Variants in SP140L observed in about 807,000 individuals in gnomAD.
SP140L encodes SP140 like nuclear body protein.
A neutral mutation model predicts 84.3 loss-of-function variants in SP140L; 64 were observed. That is an observed-to-expected ratio of 0.76 (90% confidence interval 0.62 to 0.94). The LOEUF is 0.94. Among genes scored for constraint, SP140L ranks in the 40% least tolerant of loss-of-function variants. The pLI is 0.00. For missense variants in SP140L, 628 were observed against 692.5 expected (o/e 0.91, Z 1.05); for synonymous variants, 242 against 236.9 (o/e 1.02, Z -0.20).
chr2:230,400,188 C>T lies in SP140L; in HGVS notation c.1259C>T (p.Thr420Ile), dbSNP rs780162127. 1 of 1,614,180 alleles carries T rather than the reference C, an allele frequency of 6.2e-7. No homozygotes were observed. ...RDGGELFCCD[T>I]CSRVFHEDCH... ...GGAGGGGAGCTGTTCTGTTGCGACA[C>T]TTGTTCAAGAGTCTTCCATGAGGAC... Residue 420 changes from threonine to isoleucine, a missense_variant, in exon 15 of 19, where the codon ACT becomes ATT. Around this residue, in one of 4 missense-constraint regions of SP140L, gnomAD observed 525 missense variants for 518.4 expected, o/e 1.01. Transcript: ENST00000415673.
intron 4 of SP140L, among the ~76,000 whole-genome samples, chr2:230,360,650 G>A (rs952339068): frequency 1.3e-5 from 2 of 152,146 alleles, no homozygotes; most frequent in Non-Finnish European, 2.9e-5. Flanking sequence ...GGACTGCAGG[G>A]ATTCCCTTCC....
chr2:230,345,177 T>C (rs2060172375), intron 2 of SP140L, among the ~76,000 whole-genome samples: 1 of 152,188 alleles, frequency 6.6e-6, no homozygotes, highest in Non-Finnish European at 1.5e-5. Flanking sequence ...ATTTAGGTAT[T>C]CCAATGCTAT....
At chr2:230,353,830 C>T (rs1206165172) in intron 2 of SP140L, among the ~76,000 whole-genome samples, 2 of 151,812 alleles carry the variant, frequency 1.3e-5, no homozygotes, top group Non-Finnish European at 2.9e-5. Flanking sequence ...TATGTTTGCT[C>T]TTTATTTTTA....
In SP140L at chr2:230,357,788, G is replaced by T. The variant is rs758924416; in HGVS notation, c.108-17G>T. ...GAATCTTGATGACCATTTTCATTTG[G>T]TGTCCTTTTTCCTTAGGCTGTTCAC... On this transcript the variant is annotated splice_polypyrimidine_tract_variant and intron_variant, in intron 2 of 18. Coordinates refer to ENST00000415673, the MANE Select transcript of SP140L (RefSeq NM_138402.6). The T allele has an allele frequency of 6.3e-7, 1 of 1,587,984 alleles. No homozygotes were observed. The highest frequency in any genetic ancestry group is 1.2e-5 in the South Asian group (1 of 86,820).
At chr2:230,380,799 G>C (rs1015949327) in intron 7 of SP140L, among the ~76,000 whole-genome samples, 2 of 152,066 alleles carry the variant, frequency 1.3e-5, no homozygotes, top group Admixed American at 6.6e-5. Flanking sequence ...CATATCATTG[G>C]ATGTATCAGT....
intron 4 of SP140L, among the ~76,000 whole-genome samples, chr2:230,360,769 C>A (rs921646633): frequency 6.6e-6 from 1 of 152,144 alleles, no homozygotes. Context: ...CCCACCGCCC[C>A]ACCCAGCACA....
At position 230,401,022 on chromosome 2, in the gene SP140L, T is replaced by C; in HGVS notation, c.1381T>C (p.Ser461Pro). The part of the protein sequence containing the change: ...SPGSQQCCQE[S>P]EVLERQMCPE... ...GGGAAGCCAACAGTGTTGTCAGGAATCTGAGGTCCTGGAGAGGCAGATGTG... is the reference window on the plus strand; with the variant it reads ...GGGAAGCCAACAGTGTTGTCAGGAACCTGAGGTCCTGGAGAGGCAGATGTG... Residue 461 changes from serine to proline, a missense_variant, in exon 16 of 19, where the codon TCT becomes CCT. By Grantham distance (74) the Ser-to-Pro change is moderately conservative. Around this residue, in one of 4 missense-constraint regions of SP140L, gnomAD observed 52 missense variants for 87.0 expected, o/e 0.60. Transcript: ENST00000415673. 1.4e-6 allele frequency: 2 copies of C among 1,474,218 alleles called. No homozygotes were observed. Among genetic ancestry groups the C allele is most frequent in the Non-Finnish European group, 1.8e-6 (2 of 1,081,164 alleles). 91.3% of individuals were successfully genotyped at this position (1,474,218 alleles called of 1,614,324 possible).
Position 230,401,650 on chromosome 2 carries a change from A to G in SP140L, c.1501-14A>G. ...CTATGCTGGTAGCTTTTCCATTGGTATATTTGTCACCAGATTAGAGAGGCG... is the reference window on the plus strand; with the variant it reads ...CTATGCTGGTAGCTTTTCCATTGGTGTATTTGTCACCAGATTAGAGAGGCG... On this transcript the variant is annotated splice_polypyrimidine_tract_variant and intron_variant, in intron 17 of 18. Transcript: ENST00000415673. 1 of 1,212,452 alleles carries G rather than the reference A, an allele frequency of 8.2e-7. No homozygotes were observed. 75.1% of individuals were successfully genotyped at this position (1,212,452 alleles called of 1,614,324 possible).
chr2:230,339,917 T>C (rs1374188271), intron 2 of SP140L, among the ~76,000 whole-genome samples: 5 of 150,406 alleles, frequency 3.3e-5, no homozygotes, highest in South Asian at 2.1e-4. Flanking sequence ...TACTTCCCAG[T>C]ATGTGGTCAA....
chr2:230,364,422 T>A (rs542540640), intron 5 of SP140L, among the ~76,000 whole-genome samples: 81 of 152,220 alleles, frequency 5.3e-4, no homozygotes, highest in African/African-American at 1.9e-3. Context: ...AATTGGATTG[T>A]TTTATTGATG....
At chr2:230,385,184 G>C (rs779726864) in intron 8 of SP140L, 40 bp from the exon 9 acceptor site, 1 of 1,604,616 alleles carries the variant, frequency 6.2e-7, no homozygotes, top group East Asian at 2.2e-5. Flanking sequence ...CTGTTGTTCT[G>C]CCCAGTTCTA....
chr2:230,327,935 A>G (rs1420508709), intron 1 of SP140L, among the ~76,000 whole-genome samples: 1 of 152,206 alleles, frequency 6.6e-6, no homozygotes, highest in African/African-American at 2.4e-5. Flanking sequence ...CAGAAAGCTA[A>G]ATATTTTTAT....
At chr2:230,333,551 C>T (rs1191602631) in intron 2 of SP140L, among the ~76,000 whole-genome samples, 1 of 152,174 alleles carries the variant, frequency 6.6e-6, no homozygotes, top group Non-Finnish European at 1.5e-5. Context: ...ATTCTAAATT[C>T]TCATGATGGT....
At chr2:230,330,769 C>T (rs1278193057) in intron 2 of SP140L, among the ~76,000 whole-genome samples, 1 of 152,132 alleles carries the variant, frequency 6.6e-6, no homozygotes, top group East Asian at 1.9e-4. Flanking sequence ...TTCATTTAGT[C>T]ATAGTCAACC....
rs569936255 is a variant in SP140L at position 230,370,847 on chromosome 2, C to G, written c.524-61C>G. On this transcript the variant is annotated intron_variant, in intron 5 of 18. Transcript: ENST00000415673. ...AAAGTTCATAAATCACAATTTTGCCCCGGGAGCAGAGCGACCAGCATGTGA... is the reference window on the plus strand; with the variant it reads ...AAAGTTCATAAATCACAATTTTGCCGCGGGAGCAGAGCGACCAGCATGTGA... The G allele has an allele frequency of 6.1e-4, 944 of 1,545,344 alleles. 13 individuals carry two copies. The South Asian group carries it at 8.3e-3, about 14-fold the overall frequency.
chr2:230,393,272 A>G (rs1350632667), intron 12 of SP140L, 142 bp from the exon 13 acceptor site: 4 of 826,038 alleles, frequency 4.8e-6, no homozygotes, highest in Non-Finnish European at 5.5e-6. Context: ...GAAGACAGGG[A>G]GATGGTTTCT....
chr2:230,400,201 C>T lies in SP140L; in HGVS notation c.1272C>T (p.Val424=), dbSNP rs1485874588. ...ELFCCDTCSR[V]FHEDCHIPPV... ...TCTGTTGCGACACTTGTTCAAGAGT[C>T]TTCCATGAGGACTGCCACATCCCAC... The change falls in exon 15 of 19, where the codon GTC becomes GTT. Residue 424 remains valine (V), a synonymous_variant. Coordinates refer to ENST00000415673, the MANE Select transcript of SP140L (RefSeq NM_138402.6). 1.2e-6 allele frequency: 2 copies of T among 1,614,168 alleles called. No homozygotes were observed. Among genetic ancestry groups the T allele is most frequent in the Admixed American group, 3.3e-5 (2 of 60,022 alleles).
Position 230,331,511 on chromosome 2 carries a change from T to A in SP140L, c.107+2680T>A, listed in dbSNP as rs148895415. On this transcript the variant is annotated intron_variant, in intron 2 of 18. Coordinates refer to ENST00000415673, the MANE Select transcript of SP140L (RefSeq NM_138402.6). ...CAATACTGAACTGTTTTAGTTGCTA[T>A]GATCTTCTAGGTAGTGTTCTGTAAC... is the stretch of plus-strand genomic sequence containing the variant. Among the ~76,000 whole-genome samples the A allele has an allele frequency of 1.4e-3, 211 of 152,340 alleles. 3 individuals are homozygous for A. Among genetic ancestry groups the A allele is most frequent in the African/African-American group, 4.5e-3 (189 of 41,578 alleles).
intron 2 of SP140L, among the ~76,000 whole-genome samples, chr2:230,337,799 A>G (rs1336369261): frequency 7.2e-5 from 11 of 152,028 alleles, no homozygotes; most frequent in African/African-American, 1.5e-4. Context: ...AAGATCAGAT[A>G]GTTGTAGATA....
Sources: allele counts gnomAD v4.1 joint callset (sites outside exome capture counted in the v4.1 genomes callset), GRCh38; gene constraint gnomAD v4.1.1; regional missense constraint gnomAD v4.1.1; transcripts MANE v1.5; gene names NCBI Gene and HGNC (gene_info 2026-07-23, HGNC 2026-07-21).